The following NFYA variants were observed in gnomAD, a reference collection of about 807,000 sequenced individuals.
The protein encoded by NFYA is CAAT-box DNA binding protein subunit A.
NFYA carries 28 observed loss-of-function variants against 52.8 expected under a neutral mutation model. The ratio of observed to expected loss-of-function variants is 0.53; its 90% CI spans 0.39 to 0.73. NFYA has a LOEUF of 0.73. Ranked by LOEUF, NFYA falls within the 30% of genes least tolerant of loss-of-function variation. The pLI is 0.00. For synonymous variants in NFYA, 150 were observed against 150.7 expected (o/e 1.00, Z 0.03); for missense variants, 234 against 427.0 (o/e 0.55, Z 3.98).
At chr6:41,080,138 C>T (rs1192100043) in intron 2 of NFYA, among the ~76,000 whole-genome samples, 1 of 151,944 alleles carries the variant, frequency 6.6e-6, no homozygotes, top group South Asian at 2.1e-4. Context: ...TAAAGCAGTC[C>T]AGTTGGGTAG....
chr6:41,075,477 C>T (rs1763708236), intron 1 of NFYA: 1 of 152,208 alleles, frequency 6.6e-6, no homozygotes, highest in Admixed American at 6.5e-5. Context: ...TGCTAAATAC[C>T]TTACAAGCTT....
chr6:41,077,630 A>G (rs572855945), intron 1 of NFYA, among the ~76,000 whole-genome samples: 29 of 152,336 alleles, frequency 1.9e-4, no homozygotes, highest in African/African-American at 6.5e-4. Context: ...CTGATTTTCT[A>G]TTCTATACCC....
At chr6:41,077,547 GTGTAT>G (rs1298529974) in intron 1 of NFYA, among the ~76,000 whole-genome samples, 2 of 149,416 alleles carry the variant, frequency 1.3e-5, no homozygotes, top group South Asian at 2.1e-4. Context: ...TAAATGTATT[GTGTAT>G]TAGAGACAAG....
intron 6 of NFYA, 85 bp from the exon 7 acceptor site, chr6:41,091,443 C>T: frequency 7.3e-7 from 1 of 1,367,724 alleles, no homozygotes; most frequent in Non-Finnish European, 1.0e-6. Flanking sequence ...GAGTGTATAC[C>T]AGATAGAAGA....
intron 2 of NFYA, among the ~76,000 whole-genome samples, chr6:41,080,085 A>G (rs985501093): frequency 4.6e-5 from 7 of 152,148 alleles, no homozygotes; most frequent in African/African-American, 1.7e-4. Flanking sequence ...ATTTGCCATT[A>G]GTGGATGTAA....
intron 5 of NFYA, 121 bp from the exon 6 acceptor site, chr6:41,090,083 C>G (rs752135005): frequency 7.6e-6 from 5 of 659,684 alleles, no homozygotes; most frequent in Non-Finnish European, 1.3e-5. Context: ...GCACTGCACT[C>G]CAGCCTGGCG....
At chr6:41,083,670 C>T (rs1418234958) in intron 3 of NFYA, among the ~76,000 whole-genome samples, 2 of 152,216 alleles carry the variant, frequency 1.3e-5, no homozygotes, top group African/African-American at 2.4e-5. Context: ...CTTTCCCTCT[C>T]ATTGCCTTCT....
intron 3 of NFYA, among the ~76,000 whole-genome samples, chr6:41,081,861 A>T (rs182264150): frequency 6.6e-5 from 10 of 152,316 alleles, no homozygotes; most frequent in African/African-American, 2.2e-4. Flanking sequence ...AGCCACTGTG[A>T]TAATTCTTGG....
At chr6:41,077,366 G>C (rs1763767720) in intron 1 of NFYA, among the ~76,000 whole-genome samples, 1 of 152,030 alleles carries the variant, frequency 6.6e-6, no homozygotes, top group Non-Finnish European at 1.5e-5. Flanking sequence ...TGTTCCTAAG[G>C]CTCCATGCCA....
Position 41,089,694 on chromosome 6 carries a change from C to A in NFYA, c.425C>A (p.Thr142Asn), listed in dbSNP as rs973567112. 3.1e-6 allele frequency: 5 copies of A among 1,612,464 alleles called. No individual in the cohort carries two copies. Among genetic ancestry groups the A allele is most frequent in the Non-Finnish European group, 4.2e-6 (5 of 1,179,838 alleles). ...IIIQQPQTAV[T>N]AGQTQTQQQI... The stretch of plus-strand genomic sequence containing the variant: ...ATCCAGCAGCCCCAGACGGCTGTCA[C>A]TGCTGGCCAGACTCAGGTAATTCCA... Residue 142 changes from threonine to asparagine, a missense_variant, in exon 5 of 10, where the codon ACT becomes AAT. Coordinates refer to ENST00000341376, the MANE Select transcript of NFYA (RefSeq NM_002505.5).
intron 4 of NFYA, among the ~76,000 whole-genome samples, chr6:41,087,264 A>C (rs996994817): frequency 6.6e-6 from 1 of 152,232 alleles, no homozygotes; most frequent in Non-Finnish European, 1.5e-5. Flanking sequence ...ATTTGGAAAA[A>C]ATAATTCAGA....
At chr6:41,081,416 G>C (rs754751552) in intron 3 of NFYA, among the ~76,000 whole-genome samples, 10 of 152,086 alleles carry the variant, frequency 6.6e-5, no homozygotes, top group African/African-American at 2.4e-4. Context: ...CGTGAACCCA[G>C]GAGGCAGAGC....
rs758797407 is a variant in NFYA, at chr6:41,099,118, C to T, written c.*1708C>T. On this transcript the variant is annotated 3_prime_UTR_variant, in exon 10 of 10. Transcript: ENST00000341376. ...CAAAGGAAACAGGAAGTGAAATATT[C>T]CTAGTCCCAGGGATCTGGTAATCGC... is the stretch of plus-strand genomic sequence containing the variant. The T allele has an allele frequency of 2.6e-5, 4 of 152,166 alleles. No homozygotes were observed. The highest frequency in any genetic ancestry group is 5.9e-5 in the Non-Finnish European group (4 of 68,024). 9.4% of individuals were successfully genotyped at this position (152,166 alleles called of 1,614,324 possible).
At chr6:41,090,107 CTG>C in intron 5 of NFYA, 95 bp from the exon 6 acceptor site, 3 of 797,420 alleles carry the variant, frequency 3.8e-6, no homozygotes, top group Admixed American at 2.4e-5. Context: ...GAGTGAGACT[CTG>C]TCTCAAAAAA....
At chr6:41,093,631 C>G (rs572743281) in intron 8 of NFYA, among the ~76,000 whole-genome samples, 1 of 152,160 alleles carries the variant, frequency 6.6e-6, no homozygotes, top group Non-Finnish European at 1.5e-5. Context: ...CCACCACGCC[C>G]AGCTTATTTT....
chr6:41,075,060 A>T (rs1242218094), intron 1 of NFYA, among the ~76,000 whole-genome samples: 1 of 152,200 alleles, frequency 6.6e-6, no homozygotes, highest in Non-Finnish European at 1.5e-5. Flanking sequence ...TTCACTTTTT[A>T]GGGTGAGTTT....
chr6:41,080,954 C>A, intron 3 of NFYA, 57 bp downstream of exon 3: 1 of 1,386,018 alleles, frequency 7.2e-7, no homozygotes, highest in Non-Finnish European at 1.0e-6. Context: ...CTCCTCATGT[C>A]TGGTGCTGTT....
chr6:41,075,488 C>A (rs1358142983), intron 1 of NFYA: 1 of 151,780 alleles, frequency 6.6e-6, no homozygotes, highest in African/African-American at 2.4e-5. Context: ...TTACAAGCTT[C>A]CACCAGTCTG....
At chr6:41,094,948 C>T (rs1261041043) in intron 9 of NFYA, among the ~76,000 whole-genome samples, 3 of 152,182 alleles carry the variant, frequency 2.0e-5, no homozygotes, top group Admixed American at 1.3e-4. Context: ...GGTTTTATTA[C>T]CCCATCACAA....
Sources: allele counts gnomAD v4.1 joint callset (sites outside exome capture counted in the v4.1 genomes callset), GRCh38; gene constraint gnomAD v4.1.1; transcripts MANE v1.5; gene names NCBI Gene and HGNC (gene_info 2026-07-23, HGNC 2026-07-21).